Variants in UGT2B28 observed in about 807,000 individuals in gnomAD.
UGT2B28 encodes the protein UDP glucuronosyltransferase family 2 member B28, also known as UDP-glucuronosyltransferase 2B28.
In UGT2B28, 45 loss-of-function variants were observed where a neutral mutation model predicts 43.6. The ratio of observed to expected loss-of-function variants is 1.03; its 90% confidence interval spans 0.81 to 1.32. The LOEUF is 1.32. Ranked by LOEUF, UGT2B28 falls within the 40% of genes most tolerant of loss-of-function variation. The pLI, the probability that UGT2B28 is intolerant of heterozygous loss-of-function variation, is 0.00. For synonymous variants in UGT2B28, 204 were observed against 208.1 expected (o/e 0.98, Z 0.17); for missense variants, 649 against 625.5 (o/e 1.04, Z -0.40).
At chr4:69,285,501 T>C (rs4450998) in intron 2 of UGT2B28, among the ~76,000 whole-genome samples, 7 of 138,400 alleles carry the variant, frequency 5.1e-5, no homozygotes, top group African/African-American at 1.7e-4. Flanking sequence ...TTAAATGTGG[T>C]TACAGGTAAC....
intron 3 of UGT2B28, among the ~76,000 whole-genome samples, chr4:69,287,097 A>C (rs796591539): frequency 1.0e-4 from 14 of 138,952 alleles, no homozygotes; most frequent in East Asian, 4.1e-4. Context: ...CTTGGTATGC[A>C]TGAGTGGTTC....
At chr4:69,291,811 T>C (rs1397179439) in intron 5 of UGT2B28, among the ~76,000 whole-genome samples, 1 of 140,480 alleles carries the variant, frequency 7.1e-6, no homozygotes, top group Non-Finnish European at 1.5e-5. Context: ...TCCAAAGTAA[T>C]TGTTCCATTC....
rs1221242205 is a variant in UGT2B28, at chr4:69,288,495, CTAAA to C, written c.1003-1167_1003-1164del. On this transcript the variant is annotated intron_variant, in intron 3 of 5. Coordinates refer to ENST00000335568, the MANE Select transcript of UGT2B28 (RefSeq NM_053039.2). ...CATAAAACAAACATATAGGTCATTA[CTAAA>C]TAGTTACTGTTTTATTACACTAGAA... Among the ~76,000 whole-genome samples, 4 of 139,582 alleles carry C rather than the reference CTAAA, an allele frequency of 2.9e-5. 1 individual carries two copies. The highest frequency in any genetic ancestry group is 2.0e-4 in the East Asian group (1 of 4,940). 91.6% of individuals were successfully genotyped at this position (139,582 alleles called of 152,430 possible).
Position 69,282,737 on chromosome 4 carries a change from A to G in UGT2B28, c.870+75A>G, listed in dbSNP as rs1723654983. 10 of 1,493,208 alleles carry G rather than the reference A, an allele frequency of 6.7e-6. No homozygotes were observed. The South Asian group carries it at 8.2e-5, about 12-fold the overall frequency. 92.5% of individuals were successfully genotyped at this position (1,493,208 alleles called of 1,614,324 possible). ...GAAATGAGTCTATAGCCTTCATTCAAAATGTTTGACTTACACTGAAAGAAA... is the reference window on the plus strand; with the variant it reads ...GAAATGAGTCTATAGCCTTCATTCAGAATGTTTGACTTACACTGAAAGAAA... On this transcript the variant is annotated intron_variant, in intron 2 of 5. Coordinates refer to ENST00000335568, the MANE Select transcript of UGT2B28 (RefSeq NM_053039.2).
chr4:69,286,718 T>C lies in UGT2B28; in HGVS notation c.871-34T>C. On this transcript the variant is annotated intron_variant, in intron 2 of 5. Transcript: ENST00000335568. ...TCTTTAGTAGTGCCTGCTGTGGTGA[T>C]ACTCTTTTGTGATTAAACAATTTTT... The C allele has an allele frequency of 3.2e-6, 5 of 1,549,026 alleles. 2 individuals carry two copies. The highest frequency in any genetic ancestry group is 4.3e-6 in the Non-Finnish European group (5 of 1,151,478).
chr4:69,290,795 G>A lies in UGT2B28; in HGVS notation c.1294G>A (p.Val432Ile). The A allele has an allele frequency of 6.4e-7, 1 of 1,559,496 alleles. No individual in the cohort carries two copies. Among genetic ancestry groups the A allele is most frequent in the Non-Finnish European group, 8.7e-7 (1 of 1,154,934 alleles). The change falls in exon 5 of 6, where the codon GTA (valine) becomes ATA (isoleucine). Residue 432 changes from valine to isoleucine, a missense_variant. Transcript: ENST00000335568. ...AGACCTGCTGAATGCACTGAAGACAGTAATTAATGATCCTTCGTGAGTAGA... is the reference window on the plus strand; with the variant it reads ...AGACCTGCTGAATGCACTGAAGACAATAATTAATGATCCTTCGTGAGTAGA... ...STDLLNALKT[V>I]INDPSYKENV...
In UGT2B28 at chr4:69,282,554, C is replaced by G; in HGVS notation, c.762C>G (p.Asp254Glu). The change falls in exon 2 of 6, where the codon GAC (aspartate) becomes GAG (glutamate). Residue 254 changes from aspartate (D) to glutamate (E), a missense_variant. Coordinates refer to ENST00000335568, the MANE Select transcript of UGT2B28 (RefSeq NM_053039.2). The part of the protein sequence containing the change: ...TTLFETMGKA[D>E]IWLMRNSWSF... ...TATTTGAGACAATGGGGAAAGCTGA[C>G]ATATGGCTTATGCGAAACTCCTGGA... The G allele has an allele frequency of 1.3e-6, 2 of 1,553,210 alleles. 1 individual carries two copies. Among genetic ancestry groups the G allele is most frequent in the South Asian group, 2.4e-5 (2 of 82,960 alleles).
chr4:69,290,952 T>A, intron 5 of UGT2B28, 141 bp downstream of exon 5: 1 of 1,173,470 alleles, frequency 8.5e-7, no homozygotes, highest in Non-Finnish European at 1.1e-6. Flanking sequence ...TCTGCTTTGT[T>A]TTTTATCTGT....
chr4:69,294,567 C>G lies in UGT2B28; in HGVS notation c.1348C>G (p.His450Asp). 1 of 1,548,076 alleles carries G rather than the reference C, an allele frequency of 6.5e-7. No homozygotes were observed. The highest frequency in any genetic ancestry group is 8.7e-7 in the Non-Finnish European group (1 of 1,150,898). The change falls in exon 6 of 6, where the codon CAT (histidine) becomes GAT (aspartate). Residue 450 changes from histidine (H) to aspartate (D), a missense_variant. Transcript: ENST00000335568. ...ENVMKLSIIQHDQPVKPLHRA... is the reference protein window; with the variant it reads ...ENVMKLSIIQDDQPVKPLHRA... ...TGTTATGAAATTATCAATAATTCAA[C>G]ATGATCAACCAGTAAAGCCCCTGCA...
rs575693723 is a variant in UGT2B28, at chr4:69,281,152, C to A, written c.652C>A (p.Leu218Ile). ...MERVKNMIYVLYFDFWFQMCD... is the reference protein window; with the variant it reads ...MERVKNMIYVIYFDFWFQMCD... The stretch of plus-strand genomic sequence containing the variant: ...GAGGGTAAAAAACATGATCTATGTG[C>A]TTTATTTTGACTTTTGGTTCCAAAT... Residue 218 changes from leucine (L) to isoleucine (I), a missense_variant, in exon 1 of 6, where the codon CTT becomes ATT. Physicochemically the swap from Leu to Ile is conservative, Grantham distance 5. Transcript: ENST00000335568. 13 of 1,552,248 alleles carry A rather than the reference C, an allele frequency of 8.4e-6. 3 individuals carry two copies. In the Admixed American group the frequency reaches 9.2e-5, roughly 11 times the overall value.
chr4:69,280,788 A>T lies in UGT2B28; in HGVS notation c.288A>T (p.Arg96Ser). Residue 96 changes from arginine to serine, a missense_variant, in exon 1 of 6, where the codon AGA becomes AGT. By Grantham distance (110) the Arg-to-Ser change is moderately radical. Transcript: ENST00000335568. ...FENIIMQQVK[R>S]WSDIQKDSFW... ...ATATCATCATGCAACAGGTTAAGAG[A>T]TGGTCAGACATTCAAAAAGATAGCT... 1 of 1,569,406 alleles carries T rather than the reference A, an allele frequency of 6.4e-7. No homozygotes were observed. The highest frequency in any genetic ancestry group is 8.6e-7 in the Non-Finnish European group (1 of 1,160,268).
intron 3 of UGT2B28, among the ~76,000 whole-genome samples, chr4:69,287,314 ATC>A (rs777381879): frequency 4.3e-5 from 6 of 140,962 alleles, no homozygotes; most frequent in Admixed American, 2.1e-4. Flanking sequence ...CCAGAACTGC[ATC>A]TTTGTAGAAA....
At chr4:69,287,141 T>C (rs184967506) in intron 3 of UGT2B28, among the ~76,000 whole-genome samples, 1 of 139,986 alleles carries the variant, frequency 7.1e-6, no homozygotes, top group Admixed American at 7.2e-5. Context: ...GTACTCCATA[T>C]GTATCCACAA....
In UGT2B28 at chr4:69,284,349, G is replaced by A. The variant is rs185662144; in HGVS notation, c.870+1687G>A. The stretch of plus-strand genomic sequence containing the variant: ...ATTTTAAATTAATATCACATTTTAA[G>A]ACATATGTACAAAGTAAGCCTTCTT... On this transcript the variant is annotated intron_variant, in intron 2 of 5. Coordinates refer to ENST00000335568, the MANE Select transcript of UGT2B28 (RefSeq NM_053039.2). 1.1e-3 allele frequency among the ~76,000 whole-genome samples: 155 copies of A among 140,584 alleles called. 32 individuals are homozygous for A. The highest frequency in any genetic ancestry group is 4.1e-3 in the African/African-American group (149 of 36,136). The allele number at this position is 140,584 out of a possible 152,430, so 92.2% of individuals were successfully genotyped here.
rs201064783 is a variant in UGT2B28 at position 69,281,083 on chromosome 4, C to A, written c.583C>A (p.Pro195Thr). The A allele has an allele frequency of 1.9e-5, 30 of 1,559,354 alleles. 4 individuals are homozygous for A. Among genetic ancestry groups the A allele is most frequent in the African/African-American group, 6.1e-5 (4 of 65,974 alleles). The change falls in exon 1 of 6, where the codon CCT (proline) becomes ACT (threonine). Residue 195 changes from proline (P) to threonine (T), a missense_variant. Transcript: ENST00000335568. ...ACTGATTTTCCCTCCTTCCTACATA[C>A]CTGTTGTTATGTCAAAATTAAGTGA... ...GGLIFPPSYI[P>T]VVMSKLSDQM...
chr4:69,290,510 A>C, intron 4 of UGT2B28, 82 bp from the exon 5 acceptor site: 2 of 1,490,288 alleles, frequency 1.3e-6, no homozygotes, highest in Non-Finnish European at 1.8e-6. Flanking sequence ...TTATCTAGAA[A>C]ACACTGTCAC....
rs777513892 is a variant in UGT2B28 at position 69,289,351 on chromosome 4, G to A, written c.1003-314G>A. Among the ~76,000 whole-genome samples, 25 of 140,440 alleles carry A rather than the reference G, an allele frequency of 1.8e-4. 2 individuals are homozygous for A. Among genetic ancestry groups the A allele is most frequent in the Middle Eastern group, 3.6e-3 (1 of 276 alleles). The allele number at this position is 140,440 out of a possible 152,430, so 92.1% of individuals were successfully genotyped here. A position where few individuals can be genotyped will look rare whatever the true frequency, so the allele number is the denominator to read the frequency against. ...TTTCTCTAATGATCCGTGCTGTTAA[G>A]TTATTTTACTTCATGTGATGGTTGG... On this transcript the variant is annotated intron_variant, in intron 3 of 5. Transcript: ENST00000335568.
At position 69,281,260 on chromosome 4, in the gene UGT2B28, T is replaced by G. The variant is rs1316720746; in HGVS notation, c.721+39T>G. On this transcript the variant is annotated intron_variant, in intron 1 of 5. Coordinates refer to ENST00000335568, the MANE Select transcript of UGT2B28 (RefSeq NM_053039.2). Reference sequence around the variant, plus strand: ...TAATCGGGAACTTGAAGATCTAACTTATTTGTGTCTTTGAAGCAGAGCTTA... The same window carrying G: ...TAATCGGGAACTTGAAGATCTAACTGATTTGTGTCTTTGAAGCAGAGCTTA... The G allele has an allele frequency of 2.7e-6, 4 of 1,458,120 alleles. 1 individual carries two copies. In the African/African-American group the frequency reaches 6.3e-5, roughly 23 times the overall value. 90.3% of individuals were successfully genotyped at this position (1,458,120 alleles called of 1,614,324 possible). A position where few individuals can be genotyped will look rare whatever the true frequency, so the allele number is the denominator to read the frequency against.
chr4:69,294,277 T>A (rs1397485914), intron 5 of UGT2B28, among the ~76,000 whole-genome samples: 2 of 136,574 alleles, frequency 1.5e-5, no homozygotes, highest in Non-Finnish European at 3.1e-5. Flanking sequence ...ATGCCTTATA[T>A]TTTCTCTGCT....
Sources: allele counts gnomAD v4.1 joint callset (sites outside exome capture counted in the v4.1 genomes callset), GRCh38; gene constraint gnomAD v4.1.1; transcripts MANE v1.5; gene names NCBI Gene and HGNC (gene_info 2026-07-23, HGNC 2026-07-21).